PATJ: variants seen among roughly 807,000 people sequenced by gnomAD.
PATJ encodes the protein PATJ crumbs cell polarity complex component, also known as inaD-like protein.
In PATJ, 190 loss-of-function variants were observed where a neutral mutation model predicts 224.9. That is an observed-to-expected ratio of 0.84 (90% confidence interval 0.75 to 0.95). PATJ has a LOEUF of 0.95. Among genes scored for constraint, PATJ ranks in the 40% least tolerant of loss-of-function variants. PATJ has a pLI of 0.00. For synonymous variants in PATJ, 769 were observed against 820.3 expected (o/e 0.94, Z 1.07); for missense variants, 2,121 against 2,270.3 (o/e 0.93, Z 1.34).
At chr1:61,998,453 C>T (rs772439021) in intron 28 of PATJ, among the ~76,000 whole-genome samples, 25 of 152,094 alleles carry the variant, frequency 1.6e-4, no homozygotes, top group Non-Finnish European at 2.6e-4. Flanking sequence ...TCTCCAACTC[C>T]TGGGCTCAGG....
intron 28 of PATJ, among the ~76,000 whole-genome samples, chr1:61,998,889 G>A (rs1003882417): frequency 1.2e-4 from 19 of 152,120 alleles, no homozygotes; most frequent in African/African-American, 4.6e-4. Flanking sequence ...TTATGCCACT[G>A]AAATATTGAG....
At position 61,962,364 on chromosome 1, in the gene PATJ, C is replaced by T. The variant is rs186729344; in HGVS notation, c.3671-27804C>T. ...GCAGAAGGCATGTAATTTGGAGGGGCTTGGGCACTGACTATATGTCCTTCT... is the reference window on the plus strand; with the variant it reads ...GCAGAAGGCATGTAATTTGGAGGGGTTTGGGCACTGACTATATGTCCTTCT... On this transcript the variant is annotated intron_variant, in intron 27 of 43. Coordinates refer to ENST00000642238, the MANE Select transcript of PATJ (RefSeq NM_001350145.3). Among the ~76,000 whole-genome samples the T allele has an allele frequency of 3.1e-3, 477 of 152,304 alleles. 1 individual carries two copies. Among genetic ancestry groups the T allele is most frequent in the African/African-American group, 0.011 (464 of 41,558 alleles).
chr1:62,060,289 A>C (rs1655213703), intron 31 of PATJ, among the ~76,000 whole-genome samples: 1 of 152,164 alleles, frequency 6.6e-6, no homozygotes, highest in South Asian at 2.1e-4. Flanking sequence ...AGAGCCTGTG[A>C]GTGCTGTAGT....
At chr1:61,932,596 G>A (rs1275881715) in intron 27 of PATJ, among the ~76,000 whole-genome samples, 5 of 152,150 alleles carry the variant, frequency 3.3e-5, no homozygotes, top group African/African-American at 9.7e-5. Context: ...GAAAGAGGAC[G>A]CTTGATAAAA....
chr1:62,039,078 C>T, intron 30 of PATJ: 2 of 808,198 alleles, frequency 2.5e-6, no homozygotes, highest in East Asian at 2.6e-5. Flanking sequence ...AGCATGATGG[C>T]TTCACAGTGG....
chr1:62,139,284 C>T (rs1433135821), intron 41 of PATJ, among the ~76,000 whole-genome samples: 1 of 151,400 alleles, frequency 6.6e-6, no homozygotes, highest in Non-Finnish European at 1.5e-5. Flanking sequence ...GCCTGTAGTC[C>T]CAGCTACTTG....
intron 31 of PATJ, among the ~76,000 whole-genome samples, chr1:62,060,309 G>A (rs982971617): frequency 6.6e-6 from 1 of 152,116 alleles, no homozygotes; most frequent in Non-Finnish European, 1.5e-5. Flanking sequence ...TAAGGATTCA[G>A]AGCCTTATGG....
At chr1:61,809,373 T>G (rs1297851566) in intron 14 of PATJ, among the ~76,000 whole-genome samples, 1 of 151,534 alleles carries the variant, frequency 6.6e-6, no homozygotes, top group African/African-American at 2.4e-5. Flanking sequence ...CATGCAGTTT[T>G]AAGAATGTAT....
chr1:62,065,269 CA>C (rs1423721503), intron 31 of PATJ, among the ~76,000 whole-genome samples: 1 of 152,136 alleles, frequency 6.6e-6, no homozygotes, highest in African/African-American at 2.4e-5. Context: ...CAAGTAACCT[CA>C]TGAACTCAAA....
chr1:62,111,595 G>A (rs984125325), intron 34 of PATJ, among the ~76,000 whole-genome samples: 2 of 151,778 alleles, frequency 1.3e-5, no homozygotes, highest in Non-Finnish European at 2.9e-5. Context: ...TTTACACAGG[G>A]TTTCATATAG....
At chr1:62,068,510 A>G (rs1004837693) in intron 31 of PATJ, among the ~76,000 whole-genome samples, 1 of 152,196 alleles carries the variant, frequency 6.6e-6, no homozygotes, top group African/African-American at 2.4e-5. Flanking sequence ...CCTCTCTGCC[A>G]GAAAAGAGCT....
At chr1:62,091,159 A>G (rs757591288) in intron 33 of PATJ, among the ~76,000 whole-genome samples, 42 of 151,952 alleles carry the variant, frequency 2.8e-4, no homozygotes, top group Non-Finnish European at 1.3e-4. Context: ...GAATCCCAGG[A>G]TATGAATGAG....
At chr1:62,152,595 G>A (rs1360913078) in intron 42 of PATJ, among the ~76,000 whole-genome samples, 7 of 152,068 alleles carry the variant, frequency 4.6e-5, no homozygotes, top group Middle Eastern at 3.4e-3. Flanking sequence ...AGGTTGCAGT[G>A]AGCCAAGATT....
In PATJ at chr1:61,833,673, T is replaced by A. The variant is rs757039948; in HGVS notation, c.2000T>A (p.Val667Asp). Reference protein sequence around the residue: ...PETEVDHNMDVNTEEDDDGEL... With the variant: ...PETEVDHNMDDNTEEDDDGEL... ...TTTCAGGTTGACCACAATATGGATG[T>A]CAATACTGAAGAAGATGATGATGGG... is the stretch of plus-strand genomic sequence containing the variant. The change falls in exon 17 of 44, where the codon GTC becomes GAC. Residue 667 changes from valine (V) to aspartate (D), a missense_variant. Coordinates refer to ENST00000642238, the MANE Select transcript of PATJ (RefSeq NM_001350145.3). 2.5e-6 allele frequency: 4 copies of A among 1,613,152 alleles called. No individual in the cohort carries two copies. The highest frequency in any genetic ancestry group is 3.3e-5 in the Admixed American group (2 of 59,952).
At chr1:61,790,467 G>A (rs138216261) in intron 8 of PATJ, among the ~76,000 whole-genome samples, 219 of 151,096 alleles carry the variant, frequency 1.4e-3, no homozygotes, top group African/African-American at 5.2e-3. Flanking sequence ...GGTGGGCTTG[G>A]CTGGGCTCTC....
At chr1:62,105,140 A>G (rs1169787792) in intron 33 of PATJ, among the ~76,000 whole-genome samples, 1 of 152,254 alleles carries the variant, frequency 6.6e-6, no homozygotes, top group African/African-American at 2.4e-5. Context: ...TTATTCCTTT[A>G]GGGTCACTGG....
intron 35 of PATJ, 28 bp from the exon 36 acceptor site, chr1:62,116,504 A>G (rs1281610052): frequency 6.2e-7 from 1 of 1,612,350 alleles, no homozygotes; most frequent in Non-Finnish European, 8.5e-7. Context: ...GGTTGTGCCA[A>G]TACTGCACTG....
chr1:61,910,170 A>G (rs549883838), intron 25 of PATJ, among the ~76,000 whole-genome samples: 32 of 152,376 alleles, frequency 2.1e-4, no homozygotes, highest in African/African-American at 6.3e-4. Context: ...TTCCAAATCA[A>G]TAATTTTGAA....
At chr1:61,820,596 C>G (rs965202647) in intron 14 of PATJ, among the ~76,000 whole-genome samples, 2 of 152,206 alleles carry the variant, frequency 1.3e-5, no homozygotes, top group African/African-American at 4.8e-5. Context: ...CCCGCCTTGG[C>G]CTCCCAAAGT....
Sources: gnomAD v4.1 joint callset for allele counts (sites outside exome capture counted in the v4.1 genomes callset) on GRCh38, gnomAD v4.1.1 for gene constraint, MANE v1.5 for transcripts, NCBI Gene and HGNC (gene_info 2026-07-23, HGNC 2026-07-21) for gene names.